HERPUD1: variants seen among roughly 807,000 people sequenced by gnomAD.
HERPUD1 encodes homocysteine-responsive endoplasmic reticulum-resident ubiquitin-like domain member 1 protein.
Under a neutral mutation model 45.0 loss-of-function variants are expected in HERPUD1, and 17 were observed. That is an observed-to-expected ratio of 0.38 (90% confidence interval 0.26 to 0.57). HERPUD1 has a LOEUF of 0.57. Among genes scored for constraint, HERPUD1 ranks in the 20% least tolerant of loss-of-function variants. The pLI, the probability that HERPUD1 is intolerant of heterozygous loss-of-function variation, is 0.72. For synonymous variants in HERPUD1, 164 were observed against 177.5 expected (o/e 0.92, Z 0.61); for missense variants, 420 against 490.5 (o/e 0.86, Z 1.36).
chr16:56,942,608 G>A (rs9931176), intron 7 of HERPUD1, among the ~76,000 whole-genome samples: 44,303 of 152,094 alleles, frequency 0.29, 6,656 homozygotes, highest in Middle Eastern at 0.41. Flanking sequence ...TAATCCCAGC[G>A]CTTTGGGAGG....
intron 2 of HERPUD1, 39 bp downstream of exon 2, chr16:56,935,351 C>T (rs564611367): frequency 1.2e-6 from 2 of 1,609,470 alleles, no homozygotes; most frequent in African/African-American, 2.7e-5. Flanking sequence ...TGTTTTTAAG[C>T]ACTCACCAGG....
chr16:56,942,292 CA>C (rs2055916657), intron 7 of HERPUD1, 55 bp downstream of exon 7: 8 of 1,130,432 alleles, frequency 7.1e-6, no homozygotes, highest in Non-Finnish European at 8.0e-6. Context: ...CCAGGCTCTC[CA>C]ATCCTCAACC....
In HERPUD1 at chr16:56,941,614, G is replaced by C. The variant is rs1656788764; in HGVS notation, c.906-518G>C. 3 of 152,146 alleles carry C rather than the reference G, an allele frequency of 2.0e-5. No homozygotes were observed. The South Asian group carries it at 6.2e-4, about 32-fold the overall frequency. 9.4% of individuals were successfully genotyped at this position (152,146 alleles called of 1,614,324 possible). On this transcript the variant is annotated intron_variant, in intron 6 of 7. Transcript: ENST00000439977. ...ATTTTAGCTTTTAAAAATAAAAAAGGAATAATTAGAATATAATGAACACTC... is the reference window on the plus strand; with the variant it reads ...ATTTTAGCTTTTAAAAATAAAAAAGCAATAATTAGAATATAATGAACACTC...
In HERPUD1 at chr16:56,943,659, G is replaced by A. The variant is rs1182605459; in HGVS notation, c.*369G>A. 5.1e-6 allele frequency: 2 copies of A among 389,402 alleles called. No individual in the cohort carries two copies. 24.1% of individuals were successfully genotyped at this position (389,402 alleles called of 1,614,324 possible). A position where few individuals can be genotyped will look rare whatever the true frequency, so the allele number is the denominator to read the frequency against. ...CATAGATGCAGAAGTGGTTCTGCTGGTACGATTTGATTCCTGTTGGAATGT... is the reference window on the plus strand; with the variant it reads ...CATAGATGCAGAAGTGGTTCTGCTGATACGATTTGATTCCTGTTGGAATGT... On this transcript the variant is annotated 3_prime_UTR_variant, in exon 8 of 8. Transcript: ENST00000439977.
chr16:56,935,388 G>A lies in HERPUD1; in HGVS notation c.226-13G>A, dbSNP rs747869553. On this transcript the variant is annotated splice_polypyrimidine_tract_variant and intron_variant, in intron 2 of 7. Coordinates refer to ENST00000439977, the MANE Select transcript of HERPUD1 (RefSeq NM_014685.4). The stretch of plus-strand genomic sequence containing the variant: ...TAGGTTCAGGTCCTTAAGTACCTTC[G>A]TATTACTTTTAGCAGGAAAAACGGC... The A allele has an allele frequency of 1.9e-6, 3 of 1,613,818 alleles. No homozygotes were observed. Among genetic ancestry groups the A allele is most frequent in the Admixed American group, 1.7e-5 (1 of 60,014 alleles).
intron 4 of HERPUD1, 185 bp downstream of exon 4, chr16:56,937,002 A>C: frequency 2.1e-6 from 1 of 470,306 alleles, no homozygotes; most frequent in Non-Finnish European, 3.6e-6. Flanking sequence ...ACAGCCTTTT[A>C]GTACACACAA....
chr16:56,935,613 ATT>A, intron 3 of HERPUD1, 138 bp downstream of exon 3: 1 of 712,122 alleles, frequency 1.4e-6, no homozygotes, highest in Non-Finnish European at 2.4e-6. Flanking sequence ...TTTCCTAGGA[ATT>A]AGAAACTGTA....
chr16:56,932,831 C>T (rs2055837901), intron 1 of HERPUD1, among the ~76,000 whole-genome samples: 1 of 152,216 alleles, frequency 6.6e-6, no homozygotes, highest in Admixed American at 6.5e-5. Context: ...GGACGGAAGG[C>T]CCCACACCCA....
At chr16:56,938,629 CT>C (rs1415154542) in intron 4 of HERPUD1, among the ~76,000 whole-genome samples, 3 of 151,824 alleles carry the variant, frequency 2.0e-5, no homozygotes, top group African/African-American at 7.3e-5. Flanking sequence ...CTGCTACTTA[CT>C]AGCTCAGTGA....
At chr16:56,941,749 CAT>C (rs1448772955) in intron 6 of HERPUD1, 1 of 154,844 alleles carries the variant, frequency 6.5e-6, no homozygotes, top group Non-Finnish European at 1.4e-5. Flanking sequence ...TCTCTAGAAT[CAT>C]ATATTTAAAA....
rs1449064413 is a variant in HERPUD1 at position 56,943,307 on chromosome 16, G to C, written c.*17G>C. Reference sequence around the variant, plus strand: ...GCAAACTGATGGTGTTTGTGCTGTAGCTGTTGGAGGCTTTGACAGGAATGG... The same window carrying C: ...GCAAACTGATGGTGTTTGTGCTGTACCTGTTGGAGGCTTTGACAGGAATGG... On this transcript the variant is annotated 3_prime_UTR_variant, in exon 8 of 8. Coordinates refer to ENST00000439977, the MANE Select transcript of HERPUD1 (RefSeq NM_014685.4). 6.2e-7 allele frequency: 1 copy of C among 1,613,944 alleles called. No homozygotes were observed. The highest frequency in any genetic ancestry group is 1.3e-5 in the African/African-American group (1 of 74,926).
In HERPUD1 at chr16:56,932,185, G is replaced by C. The variant is rs1291675196; in HGVS notation, c.-60G>C. 8 of 1,580,584 alleles carry C rather than the reference G, an allele frequency of 5.1e-6. No individual in the cohort carries two copies. The Admixed American group carries it at 7.1e-5, about 14-fold the overall frequency. On this transcript the variant is annotated 5_prime_UTR_variant, in exon 1 of 8. Transcript: ENST00000439977. ...GTCGTTGCAGAGATTGCGGGCGGCT[G>C]AGACGCCGCCTGCCTGGCACCTAGG...
At position 56,943,198 on chromosome 16, in the gene HERPUD1, A is replaced by G. The variant is rs769325300; in HGVS notation, c.1084A>G (p.Thr362Ala). The G allele has an allele frequency of 1.2e-6, 2 of 1,614,192 alleles. No homozygotes were observed. Among genetic ancestry groups the G allele is most frequent in the Non-Finnish European group, 1.7e-6 (2 of 1,180,032 alleles). The change falls in exon 8 of 8, where the codon ACC (threonine) becomes GCC (alanine). Residue 362 changes from threonine to alanine, a missense_variant. Transcript: ENST00000439977. ...PDRDVLDGEQ[T>A]SPSFMSTAWL... is the part of the protein sequence containing the mutation. ...CAGGGATGTACTAGATGGCGAGCAGACCAGCCCCTCCTTTATGAGCACAGC... is the reference window on the plus strand; with the variant it reads ...CAGGGATGTACTAGATGGCGAGCAGGCCAGCCCCTCCTTTATGAGCACAGC...
In HERPUD1 at chr16:56,932,257, A is replaced by ACCGAACCCGAGC; in HGVS notation, c.17_28dup (p.Glu6_Pro9dup). On this transcript the variant is annotated inframe_insertion, in exon 1 of 8. Coordinates refer to ENST00000439977, the MANE Select transcript of HERPUD1 (RefSeq NM_014685.4). ...CGCCGCCGCCGCCATGGAGTCCGAG[A>ACCGAACCCGAGC]CCGAACCCGAGCCCGTCACGCTCCT... 2 of 1,608,258 alleles carry ACCGAACCCGAGC rather than the reference A, an allele frequency of 1.2e-6. No homozygotes were observed. Among genetic ancestry groups the ACCGAACCCGAGC allele is most frequent in the Non-Finnish European group, 1.7e-6 (2 of 1,179,350 alleles).
intron 6 of HERPUD1, 37 bp from the exon 7 acceptor site, chr16:56,942,095 A>G (rs2055914208): frequency 6.5e-7 from 1 of 1,527,162 alleles, no homozygotes; most frequent in South Asian, 1.1e-5. Flanking sequence ...TCACTGTGAC[A>G]TCAGCTAAGA....
intron 6 of HERPUD1, chr16:56,941,602 AAAAT>A (rs2055910230): frequency 6.6e-6 from 1 of 152,234 alleles, no homozygotes; most frequent in Non-Finnish European, 1.5e-5. Context: ...TTAGCTTTTA[AAAAT>A]AAAAAAGGAA....
chr16:56,943,857 T>TA lies in HERPUD1; in HGVS notation c.*570dup. The stretch of plus-strand genomic sequence containing the variant: ...AACCTTTGCTGGGTTTTCTGTTCAA[T>TA]AAAGTTTTACTATGAATGACCCTGG... On this transcript the variant is annotated 3_prime_UTR_variant, in exon 8 of 8. Transcript: ENST00000439977. 2 of 201,684 alleles carry TA rather than the reference T, an allele frequency of 9.9e-6. No homozygotes were observed. The highest frequency in any genetic ancestry group is 2.7e-4 in the South Asian group (2 of 7,340). 12.5% of individuals were successfully genotyped at this position (201,684 alleles called of 1,614,324 possible).
rs756818852 is a variant in HERPUD1 at position 56,935,185 on chromosome 16, C to G, written c.148-50C>G. 3.9e-6 allele frequency: 5 copies of G among 1,270,764 alleles called. No homozygotes were observed. In the African/African-American group the frequency reaches 7.3e-5, roughly 19 times the overall value. 78.7% of individuals were successfully genotyped at this position (1,270,764 alleles called of 1,614,324 possible). A position where few individuals can be genotyped will look rare whatever the true frequency, so the allele number is the denominator to read the frequency against. On this transcript the variant is annotated intron_variant, in intron 1 of 7. Coordinates refer to ENST00000439977, the MANE Select transcript of HERPUD1 (RefSeq NM_014685.4). ...AAACAGTTTATTCTGTGTTTAGGAA[C>G]TTGTAGGGGTGAAATGCTGACCTGT...
intron 7 of HERPUD1, among the ~76,000 whole-genome samples, chr16:56,942,832 G>A (rs881598): frequency 0.14 from 21,375 of 152,172 alleles, 1,582 homozygotes; most frequent in Middle Eastern, 0.26. Flanking sequence ...GTGACAGAGC[G>A]AGACTCTGTC....
Sources: allele counts gnomAD v4.1 joint callset (sites outside exome capture counted in the v4.1 genomes callset), GRCh38; gene constraint gnomAD v4.1.1; transcripts MANE v1.5; gene names NCBI Gene and HGNC (gene_info 2026-07-23, HGNC 2026-07-21).